The following ADAM12 variants were observed in gnomAD, a reference collection of about 807,000 sequenced individuals.
ADAM12 encodes disintegrin and metalloproteinase domain-containing protein 12.
A neutral mutation model predicts 106.4 loss-of-function variants in ADAM12; 70 were observed. The ratio of observed to expected loss-of-function variants is 0.66; its 90% CI spans 0.54 to 0.80. The LOEUF is 0.80. Among genes scored for constraint, ADAM12 ranks in the 30% least tolerant of loss-of-function variants. The pLI, the probability that ADAM12 is intolerant of heterozygous loss-of-function variation, is 0.00. For synonymous variants in ADAM12, 420 were observed against 433.5 expected (o/e 0.97, Z 0.39); for missense variants, 1,010 against 1,171.9 (o/e 0.86, Z 2.02).
chr10:126,046,253 T>A (rs1408775201), intron 16 of ADAM12, 121 bp from the exon 17 acceptor site: 1 of 846,448 alleles, frequency 1.2e-6, no homozygotes, highest in Non-Finnish European at 2.0e-6. Flanking sequence ...CCCAACCTTG[T>A]CTCAGTTAAT....
intron 11 of ADAM12, among the ~76,000 whole-genome samples, chr10:126,079,669 C>T (rs900649456): frequency 2.6e-5 from 4 of 152,110 alleles, no homozygotes; most frequent in Admixed American, 6.5e-5. Flanking sequence ...CTATTTGTGT[C>T]GTGACAATAA....
chr10:126,371,314 C>T (rs1308444752), intron 1 of ADAM12, among the ~76,000 whole-genome samples: 4 of 152,188 alleles, frequency 2.6e-5, no homozygotes, highest in African/African-American at 9.6e-5. Flanking sequence ...GATTGTTTTC[C>T]AGGTACACAG....
chr10:126,034,426 C>T lies in ADAM12; in HGVS notation c.2529+1720G>A, dbSNP rs910157381. Among the ~76,000 whole-genome samples, 5 of 152,072 alleles carry T rather than the reference C, an allele frequency of 3.3e-5. No homozygotes were observed. In the East Asian group the frequency reaches 9.6e-4, roughly 29 times the overall value. On this transcript the variant is annotated intron_variant, in intron 21 of 22. Transcript: ENST00000448723. ...CTAGTGTAATCATACAAAAAAAATACAAAGATATATACTCAAAAACATAAA... is the reference window on the plus strand; with the variant it reads ...CTAGTGTAATCATACAAAAAAAATATAAAGATATATACTCAAAAACATAAA...
intron 5 of ADAM12, among the ~76,000 whole-genome samples, chr10:126,130,096 T>C (rs1299535578): frequency 6.6e-6 from 1 of 152,228 alleles, no homozygotes; most frequent in East Asian, 1.9e-4. Flanking sequence ...TTCCTAGATC[T>C]TAATATGTTT....
At chr10:126,183,534 G>T (rs1232039715) in intron 3 of ADAM12, among the ~76,000 whole-genome samples, 2 of 152,260 alleles carry the variant, frequency 1.3e-5, no homozygotes, top group African/African-American at 2.4e-5. Context: ...AGGTGAAACA[G>T]CCATCTGGGG....
rs374245363 is a variant in ADAM12 at position 126,150,143 on chromosome 10, C to T, written c.339+5084G>A. 5.3e-5 allele frequency among the ~76,000 whole-genome samples: 8 copies of T among 152,290 alleles called. No individual in the cohort carries two copies. In the East Asian group the frequency reaches 5.8e-4, roughly 11 times the overall value. On this transcript the variant is annotated intron_variant, in intron 4 of 22. Coordinates refer to ENST00000448723, the MANE Select transcript of ADAM12 (RefSeq NM_001288973.2). ...CATAGATCGTGGACATTTGGAAGAC[C>T]GGAGCCTATTGTTGTGGTATTTCTA...
At chr10:126,086,680 A>AAAAAAATATATATAT (rs1554966976) in intron 11 of ADAM12, among the ~76,000 whole-genome samples, 15 of 24,200 alleles carry the variant, frequency 6.2e-4, no homozygotes, top group Non-Finnish European at 8.2e-4. Context: ...AAAAAAAAAA[A>AAAAAAATATATATAT]ATATATATAT....
chr10:126,198,244 G>A (rs913309361), intron 3 of ADAM12, among the ~76,000 whole-genome samples: 2 of 152,238 alleles, frequency 1.3e-5, no homozygotes, highest in African/African-American at 2.4e-5. Context: ...TCCGGCATCA[G>A]TAGACACATT....
intron 16 of ADAM12, among the ~76,000 whole-genome samples, chr10:126,046,886 G>A (rs1459710): frequency 0.017 from 2,561 of 148,164 alleles, 69 homozygotes; most frequent in African/African-American, 0.058. Context: ...AGACATAGAT[G>A]GAGACTCCAA....
At chr10:126,361,549 T>A (rs1258407452) in intron 1 of ADAM12, among the ~76,000 whole-genome samples, 1 of 152,182 alleles carries the variant, frequency 6.6e-6, no homozygotes, top group Non-Finnish European at 1.5e-5. Flanking sequence ...TACAAAGTGA[T>A]AGCAACTAAA....
intron 6 of ADAM12, among the ~76,000 whole-genome samples, chr10:126,114,199 T>G (rs1204956204): frequency 6.6e-6 from 1 of 152,046 alleles, no homozygotes; most frequent in Non-Finnish European, 1.5e-5. Flanking sequence ...CTGGCCGACA[T>G]GTAGGCGGGC....
chr10:126,235,756 A>T (rs775784271), intron 3 of ADAM12, among the ~76,000 whole-genome samples: 8 of 152,182 alleles, frequency 5.3e-5, no homozygotes, highest in Admixed American at 1.3e-4. Flanking sequence ...CTTACAAACC[A>T]TTGGTTTCCA....
At chr10:126,351,949 T>C (rs73369036) in intron 1 of ADAM12, among the ~76,000 whole-genome samples, 6,161 of 152,152 alleles carry the variant, frequency 0.04, 426 homozygotes, top group African/African-American at 0.14. Context: ...CCTCGTCCCC[T>C]CTGCTTTAGA....
Position 126,043,970 on chromosome 10 carries a change from C to T in ADAM12, c.1996-822G>A, listed in dbSNP as rs1282051403. Among the ~76,000 whole-genome samples the T allele has an allele frequency of 6.6e-6, 1 of 152,182 alleles. No individual in the cohort carries two copies. ...TAGACCAGAGCATTCCATGCAGGGGCCAGCAGCCCCTGCCCACCTGGTTAC... is the reference window on the plus strand; with the variant it reads ...TAGACCAGAGCATTCCATGCAGGGGTCAGCAGCCCCTGCCCACCTGGTTAC... On this transcript the variant is annotated intron_variant, in intron 17 of 22. Transcript: ENST00000448723. This position sits in a 1 kb window ranked among gnomAD's most constrained non-coding sequence, Gnocchi z 4.1.
chr10:126,153,863 C>T (rs4272714), intron 4 of ADAM12, among the ~76,000 whole-genome samples: 69,791 of 151,986 alleles, frequency 0.46, 17,532 homozygotes, highest in Middle Eastern at 0.59. Context: ...TCCATTCCTA[C>T]GCTGGTATTA....
chr10:126,131,945 T>C (rs1956311883), intron 5 of ADAM12, among the ~76,000 whole-genome samples: 1 of 151,998 alleles, frequency 6.6e-6, no homozygotes. Context: ...ATCTCCACAT[T>C]ATTTTGTTTT....
chr10:126,027,841 A>AGTT (rs1953903987), intron 21 of ADAM12, among the ~76,000 whole-genome samples: 1 of 152,184 alleles, frequency 6.6e-6, no homozygotes, highest in African/African-American at 2.4e-5. Flanking sequence ...TAGTATTGGA[A>AGTT]GTTCTGGGAA....
intron 19 of ADAM12, among the ~76,000 whole-genome samples, chr10:126,038,854 AAAG>A (rs1281486758): frequency 6.6e-6 from 1 of 152,116 alleles, no homozygotes; most frequent in African/African-American, 2.4e-5. Context: ...ACCCCCCAAA[AAAG>A]AACCAAGTCC....
Position 126,102,294 on chromosome 10 carries a change from C to G in ADAM12, c.742-1053G>C, listed in dbSNP as rs74771123. Among the ~76,000 whole-genome samples, 63 of 152,266 alleles carry G rather than the reference C, an allele frequency of 4.1e-4. No individual in the cohort carries two copies. In the East Asian group the frequency reaches 0.011, roughly 27 times the overall value. ...AATGCCCCTAGTGTATGAGGCAGCA[C>G]ACAGGGAGAAAGCCCTCATCTTCTG... On this transcript the variant is annotated intron_variant, in intron 8 of 22. Coordinates refer to ENST00000448723, the MANE Select transcript of ADAM12 (RefSeq NM_001288973.2).
Sources: allele counts gnomAD v4.1 joint callset (sites outside exome capture counted in the v4.1 genomes callset), GRCh38; gene constraint gnomAD v4.1.1; non-coding constraint Gnocchi (gnomAD v3.1); transcripts MANE v1.5; gene names NCBI Gene and HGNC (gene_info 2026-07-23, HGNC 2026-07-21).